The following MARCHF11 variants were observed in gnomAD, a reference collection of about 807,000 sequenced individuals.
MARCHF11 encodes E3 ubiquitin-protein ligase MARCHF11.
A neutral mutation model predicts 37.3 loss-of-function variants in MARCHF11; 29 were observed. The ratio of observed to expected loss-of-function variants is 0.78; its 90% CI spans 0.58 to 1.06. The LOEUF (loss-of-function observed/expected upper bound fraction) is 1.06, where lower values mean the gene tolerates loss of function less well. MARCHF11 is among the 50% of genes least tolerant of loss of function. The probability of loss-of-function intolerance (pLI) is 0.00; values close to 1 mark genes in which losing one functional copy is unlikely to be tolerated. For synonymous variants in MARCHF11, 233 were observed against 228.0 expected (o/e 1.02, Z -0.20); for missense variants, 482 against 533.4 (o/e 0.90, Z 0.95).
At chr5:16,068,461 C>T (rs574793580) in intron 3 of MARCHF11, among the ~76,000 whole-genome samples, 1 of 152,302 alleles carries the variant, frequency 6.6e-6, no homozygotes, top group Non-Finnish European at 1.5e-5. Context: ...TGTTCAGAAA[C>T]GTGCTCAAAA....
chr5:16,083,198 C>T (rs1205222450), intron 3 of MARCHF11, among the ~76,000 whole-genome samples: 2 of 152,108 alleles, frequency 1.3e-5, no homozygotes, highest in African/African-American at 2.4e-5. Context: ...CTCCACTTCC[C>T]GTAGAGAAAG....
intron 2 of MARCHF11, among the ~76,000 whole-genome samples, chr5:16,133,408 T>G (rs529094566): frequency 6.6e-6 from 1 of 151,976 alleles, no homozygotes; most frequent in African/African-American, 2.4e-5. Flanking sequence ...ATGCAAGAGA[T>G]CTCAGCTAAG....
chr5:16,148,974 T>C (rs1036199456), intron 2 of MARCHF11, among the ~76,000 whole-genome samples: 1 of 152,150 alleles, frequency 6.6e-6, no homozygotes, highest in African/African-American at 2.4e-5. Flanking sequence ...ATGGCTTCTC[T>C]GAGGTGACTG....
At chr5:16,171,725 C>A (rs1369004765) in intron 2 of MARCHF11, among the ~76,000 whole-genome samples, 3 of 152,092 alleles carry the variant, frequency 2.0e-5, no homozygotes, top group Non-Finnish European at 4.4e-5. Context: ...AGCCTTCTAA[C>A]CACTAATTTA....
chr5:16,177,982 C>T, intron 1 of MARCHF11, 101 bp from the exon 2 acceptor site: 1 of 1,118,926 alleles, frequency 8.9e-7, no homozygotes. Flanking sequence ...ACTCAGGATA[C>T]AGCATCAGGC....
chr5:16,115,836 AG>A (rs1737219134), intron 2 of MARCHF11, among the ~76,000 whole-genome samples: 1 of 152,158 alleles, frequency 6.6e-6, no homozygotes, highest in Non-Finnish European at 1.5e-5. Flanking sequence ...CATGTTGGCC[AG>A]GCTGGTCTCA....
At chr5:16,174,128 A>G (rs554066535) in intron 2 of MARCHF11, among the ~76,000 whole-genome samples, 1 of 152,354 alleles carries the variant, frequency 6.6e-6, no homozygotes, top group East Asian at 1.9e-4. Context: ...GGCTTAATTA[A>G]TGTATAATGC....
At chr5:16,109,244 TGGATGGACTCA>T (rs1170962126) in intron 2 of MARCHF11, among the ~76,000 whole-genome samples, 2 of 152,132 alleles carry the variant, frequency 1.3e-5, no homozygotes. Context: ...TGGTGGCTCC[TGGATGGACTCA>T]GGATGGGGGT....
chr5:16,163,405 T>C (rs914974896), intron 2 of MARCHF11, among the ~76,000 whole-genome samples: 3 of 151,972 alleles, frequency 2.0e-5, no homozygotes, highest in Non-Finnish European at 4.4e-5. Context: ...ACAGCACATA[T>C]TCACCATGAT....
intron 3 of MARCHF11, among the ~76,000 whole-genome samples, chr5:16,089,225 T>G (rs1488095683): frequency 6.6e-6 from 1 of 152,114 alleles, no homozygotes; most frequent in Admixed American, 6.5e-5. Flanking sequence ...GGCTCTTTTA[T>G]TTTGCATCTC....
intron 2 of MARCHF11, among the ~76,000 whole-genome samples, chr5:16,167,070 T>C (rs137941365): frequency 6.7e-6 from 1 of 149,086 alleles, no homozygotes; most frequent in East Asian, 1.9e-4. Flanking sequence ...CTGAGGAGCA[T>C]ACTGAATGCA....
chr5:16,124,736 G>A (rs1737374145), intron 2 of MARCHF11, among the ~76,000 whole-genome samples: 1 of 141,682 alleles, frequency 7.1e-6, no homozygotes, highest in Non-Finnish European at 1.6e-5. Flanking sequence ...TTCCATTCAT[G>A]TCAGTGATAC....
intron 2 of MARCHF11, among the ~76,000 whole-genome samples, chr5:16,133,516 T>C (rs1413197478): frequency 6.6e-6 from 1 of 152,108 alleles, no homozygotes; most frequent in East Asian, 1.9e-4. Flanking sequence ...AACTGACAAA[T>C]AATAACAAAG....
chr5:16,110,510 TA>T (rs1050393114), intron 2 of MARCHF11, among the ~76,000 whole-genome samples: 37 of 152,212 alleles, frequency 2.4e-4, no homozygotes, highest in African/African-American at 8.2e-4. Flanking sequence ...AACAAAAACA[TA>T]AAAAATGGAT....
At chr5:16,135,558 T>C (rs1737594292) in intron 2 of MARCHF11, among the ~76,000 whole-genome samples, 1 of 152,076 alleles carries the variant, frequency 6.6e-6, no homozygotes, top group South Asian at 2.1e-4. Flanking sequence ...AGAAAAACAT[T>C]ACAAATAATA....
chr5:16,069,624 T>G (rs926711882), intron 3 of MARCHF11, among the ~76,000 whole-genome samples: 2 of 151,824 alleles, frequency 1.3e-5, no homozygotes, highest in South Asian at 4.2e-4. Flanking sequence ...GCAGTAAGGA[T>G]AGGATAGAGA....
chr5:16,112,042 G>A (rs1194194110), intron 2 of MARCHF11, among the ~76,000 whole-genome samples: 5 of 152,232 alleles, frequency 3.3e-5, no homozygotes. Context: ...AAGATGTATG[G>A]AAATGCCTAG....
At chr5:16,132,846 AATAAAG>A (rs1219575798) in intron 2 of MARCHF11, among the ~76,000 whole-genome samples, 5 of 152,198 alleles carry the variant, frequency 3.3e-5, no homozygotes, top group African/African-American at 1.2e-4. Flanking sequence ...CTGCAATAGA[AATAAAG>A]ATAAATAATT....
chr5:16,114,660 C>CTT (rs35064794), intron 2 of MARCHF11, among the ~76,000 whole-genome samples: 1 of 146,100 alleles, frequency 6.8e-6, no homozygotes, highest in African/African-American at 2.5e-5. Context: ...AGAAGCTTTA[C>CTT]TTTTTTTTTT....
Sources: allele counts gnomAD v4.1 joint callset (sites outside exome capture counted in the v4.1 genomes callset), GRCh38; gene constraint gnomAD v4.1.1; transcripts MANE v1.5; gene names NCBI Gene and HGNC (gene_info 2026-07-23, HGNC 2026-07-21).